The following CDH23 variants were observed in gnomAD, a reference collection of about 807,000 sequenced individuals.
The protein encoded by CDH23 is cadherin-23.
CDH23 carries 189 observed loss-of-function variants against 317.1 expected under a neutral mutation model. The observed-to-expected ratio is 0.60, with a 90% CI of 0.53 to 0.67. The LOEUF (loss-of-function observed/expected upper bound fraction) is 0.67, where lower values mean the gene tolerates loss of function less well. CDH23 is among the 30% of genes least tolerant of loss of function. The pLI is 0.00. For missense variants in CDH23, 4,401 were observed against 4,592.4 expected, an observed-to-expected ratio of 0.96 and a Z score of 1.20; for synonymous variants, 1,839 against 1,876.8, an observed-to-expected ratio of 0.98 and a Z score of 0.52.
At chr10:71,572,950 A>G (rs1046492571) in intron 8 of CDH23, among the ~76,000 whole-genome samples, 8 of 152,184 alleles carry the variant, frequency 5.3e-5, no homozygotes, top group Non-Finnish European at 1.2e-4. Context: ...ATTGAAGTAT[A>G]GAACATGGCA....
chr10:71,646,107 C>T, intron 13 of CDH23, 127 bp downstream of exon 13: 1 of 1,260,788 alleles, frequency 7.9e-7, no homozygotes, highest in Non-Finnish European at 1.1e-6. Context: ...GTGGATCTGA[C>T]TCAGATAAGC....
chr10:71,643,563 C>CG (rs1455156969), intron 11 of CDH23, among the ~76,000 whole-genome samples: 8 of 151,806 alleles, frequency 5.3e-5, no homozygotes, highest in Non-Finnish European at 1.2e-4. Flanking sequence ...GCCCTTGCCC[C>CG]CCCCTCACCT....
At chr10:71,716,923 G>T (rs1866279268) in intron 28 of CDH23, 1 of 152,240 alleles carries the variant, frequency 6.6e-6, no homozygotes, top group African/African-American at 2.4e-5. Context: ...TTTCACCACT[G>T]GCATTGGCCC....
At chr10:71,742,657 G>T (rs972225202) in intron 38 of CDH23, among the ~76,000 whole-genome samples, 4 of 152,206 alleles carry the variant, frequency 2.6e-5, no homozygotes, top group African/African-American at 9.7e-5. Context: ...ATCTGCAAAA[G>T]GGAGATAATA....
chr10:71,536,050 G>A (rs1310660568), intron 6 of CDH23, among the ~76,000 whole-genome samples: 1 of 152,286 alleles, frequency 6.6e-6, no homozygotes, highest in Non-Finnish European at 1.5e-5. Context: ...CAGAAGGCAA[G>A]CAGAAGGTGC....
chr10:71,586,818 G>A (rs1435435383), intron 9 of CDH23, among the ~76,000 whole-genome samples: 1 of 152,160 alleles, frequency 6.6e-6, no homozygotes, highest in African/African-American at 2.4e-5. Context: ...TTATACATAG[G>A]CTCCTGGGAC....
intron 6 of CDH23, among the ~76,000 whole-genome samples, chr10:71,548,587 G>A (rs1856414743): frequency 6.6e-6 from 1 of 152,222 alleles, no homozygotes; most frequent in Admixed American, 6.5e-5. Flanking sequence ...CCTCCCTGCA[G>A]GTCTCTGGGT....
chr10:71,467,790 G>C (rs193191496), intron 3 of CDH23, among the ~76,000 whole-genome samples: 1 of 152,118 alleles, frequency 6.6e-6, no homozygotes, highest in Admixed American at 6.5e-5. Context: ...TATGTGTATC[G>C]GCTCATGTTA....
At position 71,704,980 on chromosome 10, in the gene CDH23, C is replaced by G. The variant is rs758451585; in HGVS notation, c.2803C>G (p.Arg935Gly). Residue 935 changes from arginine (R) to glycine (G), a missense_variant, in exon 25 of 70, where the codon CGC becomes GGC. By Grantham distance (125) the Arg-to-Gly change is moderately radical. Around this residue, in one of 3 missense-constraint regions of CDH23, gnomAD observed 3,068 missense variants for 3,203.3 expected, o/e 0.96. Coordinates refer to ENST00000224721, the MANE Select transcript of CDH23 (RefSeq NM_022124.6). ...CTACCGCATGCCGGTGGGCATGCCCCGCATGGACTTCCTCATCAACAGCAG... is the reference window on the plus strand; with the variant it reads ...CTACCGCATGCCGGTGGGCATGCCCGGCATGGACTTCCTCATCAACAGCAG... ...VSYRMPVGMP[R>G]MDFLINSSSG... is the part of the protein sequence containing the mutation. The G allele has an allele frequency of 3.7e-6, 6 of 1,612,846 alleles. No homozygotes were observed. In the South Asian group the frequency reaches 5.5e-5, roughly 15 times the overall value.
At chr10:71,483,525 A>C (rs555853502) in intron 3 of CDH23, among the ~76,000 whole-genome samples, 1 of 152,192 alleles carries the variant, frequency 6.6e-6, no homozygotes, top group South Asian at 2.1e-4. Context: ...AACCCAGGCG[A>C]GCACCATCTC....
rs1406475680 is a variant in CDH23, at chr10:71,510,164, C to T, written c.228C>T (p.Arg76=). ...GCGTGTCTGGGGAGGAGGCCTCTCG[C>T]TTCTTTGCAGTGGAGCCTGACACTG... is the stretch of plus-strand genomic sequence containing the variant. ...VFGVSGEEAS[R]FFAVEPDTGV... Residue 76 remains arginine, a synonymous_variant, in exon 4 of 70, where the codon CGC becomes CGT. Transcript: ENST00000224721. 1.9e-6 allele frequency: 3 copies of T among 1,613,998 alleles called. No individual in the cohort carries two copies. The highest frequency in any genetic ancestry group is 2.7e-5 in the African/African-American group (2 of 75,052).
intron 1 of CDH23, among the ~76,000 whole-genome samples, chr10:71,430,329 A>T (rs1418891106): frequency 2.0e-5 from 3 of 151,464 alleles, no homozygotes; most frequent in African/African-American, 7.3e-5. Context: ...GATGGCAAAG[A>T]TGTGGGGAAA....
chr10:71,467,282 A>T (rs1000447238), intron 3 of CDH23, among the ~76,000 whole-genome samples: 1 of 152,172 alleles, frequency 6.6e-6, no homozygotes, highest in Non-Finnish European at 1.5e-5. Context: ...GTAGGTGATA[A>T]TGTATGCCAG....
chr10:71,812,377 CTA>C, intron 66 of CDH23, 101 bp from the exon 67 acceptor site: 1 of 1,603,018 alleles, frequency 6.2e-7, no homozygotes, highest in Non-Finnish European at 8.5e-7. Flanking sequence ...GTGAAAGGCA[CTA>C]TATGGCCAGG....
intron 50 of CDH23, 116 bp from the exon 51 acceptor site, chr10:71,798,994 AC>A: frequency 1.0e-6 from 1 of 963,346 alleles, no homozygotes; most frequent in Non-Finnish European, 1.5e-6. Flanking sequence ...CTGCCTGACC[AC>A]CCTCCTTCAA....
chr10:71,615,761 C>G (rs375261987), intron 10 of CDH23, 145 bp downstream of exon 10: 2 of 630,322 alleles, frequency 3.2e-6, no homozygotes, highest in African/African-American at 3.7e-5. Context: ...CACTGCCTCC[C>G]GGGGCTGTGC....
At chr10:71,440,269 G>A (rs1849813743) in intron 2 of CDH23, among the ~76,000 whole-genome samples, 2 of 152,172 alleles carry the variant, frequency 1.3e-5, no homozygotes, top group South Asian at 4.1e-4. Context: ...TTTGCACTGT[G>A]TGTGACCTAC....
At chr10:71,580,471 T>C (rs772899248) in intron 9 of CDH23, among the ~76,000 whole-genome samples, 2 of 152,206 alleles carry the variant, frequency 1.3e-5, no homozygotes, top group Non-Finnish European at 1.5e-5. Flanking sequence ...CAGATGTGTC[T>C]TAAGGGCTTT....
At chr10:71,430,312 G>A (rs1849310756) in intron 1 of CDH23, among the ~76,000 whole-genome samples, 2 of 152,150 alleles carry the variant, frequency 1.3e-5, no homozygotes, top group South Asian at 4.2e-4. Flanking sequence ...AAAAGTGAGA[G>A]CCCAGTGATG....
Sources: allele counts gnomAD v4.1 joint callset (sites outside exome capture counted in the v4.1 genomes callset), GRCh38; gene constraint gnomAD v4.1.1; regional missense constraint gnomAD v4.1.1; transcripts MANE v1.5; gene names NCBI Gene and HGNC (gene_info 2026-07-23, HGNC 2026-07-21).